Variants in CHSY3 observed in about 807,000 individuals in gnomAD.
The protein encoded by CHSY3 is N-acetylgalactosaminyl-proteoglycan 3-beta-glucuronosyltransferase 3.
In CHSY3, 35 loss-of-function variants were observed where a neutral mutation model predicts 67.2. The observed-to-expected ratio is 0.52, with a 90% confidence interval of 0.40 to 0.69. CHSY3 has a LOEUF of 0.69. Ranked by LOEUF, CHSY3 falls within the 30% of genes least tolerant of loss-of-function variation. The pLI, the probability that CHSY3 is intolerant of heterozygous loss-of-function variation, is 0.00. For missense variants in CHSY3, 1,069 were observed against 1,138.5 expected, an observed-to-expected ratio of 0.94 and a Z score of 0.88; for synonymous variants, 474 against 434.7, an observed-to-expected ratio of 1.09 and a Z score of -1.12.
At chr5:129,978,991 G>A (rs1762891796) in intron 2 of CHSY3, among the ~76,000 whole-genome samples, 1 of 151,716 alleles carries the variant, frequency 6.6e-6, no homozygotes, top group African/African-American at 2.4e-5. Context: ...GAGGTCAGGA[G>A]ATTGAGACCA....
chr5:130,015,087 C>T (rs1040044197), intron 2 of CHSY3, among the ~76,000 whole-genome samples: 3 of 152,116 alleles, frequency 2.0e-5, no homozygotes, highest in South Asian at 2.1e-4. Flanking sequence ...TGGATCATGG[C>T]GGTGGATTTC....
intron 2 of CHSY3, among the ~76,000 whole-genome samples, chr5:130,121,302 T>C (rs1768015530): frequency 6.6e-6 from 1 of 152,106 alleles, no homozygotes; most frequent in South Asian, 2.1e-4. Context: ...GATGGGTAAA[T>C]GGAAGCATGA....
intron 2 of CHSY3, among the ~76,000 whole-genome samples, chr5:129,992,954 T>A (rs1168184099): frequency 6.6e-6 from 1 of 152,178 alleles, no homozygotes; most frequent in Non-Finnish European, 1.5e-5. Flanking sequence ...TGTTCAATAT[T>A]TTGAGTGTTT....
At chr5:130,094,867 A>G (rs1294989080) in intron 2 of CHSY3, among the ~76,000 whole-genome samples, 1 of 152,136 alleles carries the variant, frequency 6.6e-6, no homozygotes, top group African/African-American at 2.4e-5. Context: ...GGAACTGTAT[A>G]TATGCATATT....
At chr5:130,080,668 A>T (rs559597952) in intron 2 of CHSY3, among the ~76,000 whole-genome samples, 1 of 152,208 alleles carries the variant, frequency 6.6e-6, no homozygotes, top group Admixed American at 6.6e-5. Flanking sequence ...TTAAATACCT[A>T]AAAATCATGG....
intron 2 of CHSY3, chr5:130,140,972 G>A (rs75950300): frequency 0.036 from 26,304 of 726,298 alleles, 1,116 homozygotes; most frequent in East Asian, 0.26. Context: ...TCTAGACTCC[G>A]TAGAGAAGGC....
intron 2 of CHSY3, among the ~76,000 whole-genome samples, chr5:130,034,334 T>G (rs984164207): frequency 1.2e-4 from 18 of 152,286 alleles, no homozygotes; most frequent in African/African-American, 4.3e-4. Flanking sequence ...ATAAACTTCC[T>G]AAGTTATTCA....
intron 2 of CHSY3, among the ~76,000 whole-genome samples, chr5:130,180,837 G>A (rs1481840425): frequency 6.6e-6 from 1 of 152,160 alleles, no homozygotes; most frequent in East Asian, 1.9e-4. Context: ...GCGACAGAGT[G>A]AGACCCCATC....
chr5:130,090,079 AG>A (rs925530779), intron 2 of CHSY3, among the ~76,000 whole-genome samples: 5 of 152,118 alleles, frequency 3.3e-5, no homozygotes, highest in Non-Finnish European at 7.4e-5. Flanking sequence ...CCTTCACTCC[AG>A]GTACTAATAC....
intron 2 of CHSY3, among the ~76,000 whole-genome samples, chr5:130,123,952 G>C (rs1233835676): frequency 6.7e-6 from 1 of 149,862 alleles, no homozygotes; most frequent in East Asian, 2.0e-4. Context: ...CCAGCTACTG[G>C]GGAGGCTGAG....
intron 2 of CHSY3, among the ~76,000 whole-genome samples, chr5:129,964,141 C>T (rs1375991244): frequency 6.6e-6 from 1 of 151,802 alleles, no homozygotes; most frequent in African/African-American, 2.4e-5. Flanking sequence ...TACTCTAGGG[C>T]CAGGATTTTA....
chr5:130,185,014 C>T lies in CHSY3; in HGVS notation c.1872C>T (p.Leu624=), dbSNP rs774312761. 47 of 1,567,954 alleles carry T rather than the reference C, an allele frequency of 3.0e-5. No individual in the cohort carries two copies. The highest frequency in any genetic ancestry group is 4.0e-5 in the Non-Finnish European group (46 of 1,138,256). The change falls in exon 3 of 3, where the codon CTC becomes CTT. Residue 624 remains leucine, a synonymous_variant. Coordinates refer to ENST00000305031, the MANE Select transcript of CHSY3 (RefSeq NM_175856.5). The stretch of plus-strand genomic sequence containing the variant: ...ACAATGAAAAGAAAGTACACATTCT[C>T]GTTCCTCTCATCGGAAGGTATGACA... ...GGHNEKKVHI[L]VPLIGRYDIF...
chr5:129,914,169 G>T (rs980086442), intron 2 of CHSY3, among the ~76,000 whole-genome samples: 1 of 152,016 alleles, frequency 6.6e-6, no homozygotes, highest in Non-Finnish European at 1.5e-5. Flanking sequence ...GGAGTGCAAT[G>T]CTGCAATCTT....
intron 2 of CHSY3, among the ~76,000 whole-genome samples, chr5:129,950,312 A>G (rs11748951): frequency 8.3e-4 from 126 of 152,318 alleles, no homozygotes; most frequent in Non-Finnish European, 1.5e-3. Context: ...ATAAGCCTGC[A>G]CCATCATACA....
intron 2 of CHSY3, among the ~76,000 whole-genome samples, chr5:130,092,877 T>C (rs940476689): frequency 6.6e-5 from 10 of 151,996 alleles, no homozygotes; most frequent in African/African-American, 2.2e-4. Flanking sequence ...GAAAGAGGAG[T>C]TGATCAACAG....
At chr5:129,958,836 C>T (rs1762251227) in intron 2 of CHSY3, among the ~76,000 whole-genome samples, 1 of 152,040 alleles carries the variant, frequency 6.6e-6, no homozygotes, top group African/African-American at 2.4e-5. Context: ...CTGGCAGATG[C>T]AGATGTCTTC....
intron 2 of CHSY3, among the ~76,000 whole-genome samples, chr5:130,129,487 A>G (rs1768412042): frequency 6.6e-6 from 1 of 152,128 alleles, no homozygotes; most frequent in African/African-American, 2.4e-5. Context: ...CAAGACATTT[A>G]TTATCCTGTT....
intron 1 of CHSY3, among the ~76,000 whole-genome samples, chr5:129,907,074 A>G (rs922531309): frequency 3.9e-5 from 6 of 152,340 alleles, no homozygotes; most frequent in Middle Eastern, 3.4e-3. Flanking sequence ...CCTCTACTTT[A>G]AGTTCCTTGC....
chr5:130,183,369 ATCAGTATAGTT>A (rs1412807449), intron 2 of CHSY3, among the ~76,000 whole-genome samples: 1 of 152,108 alleles, frequency 6.6e-6, no homozygotes, highest in African/African-American at 2.4e-5. Context: ...AGGAGTGTAG[ATCAGTATAGTT>A]TCCGTTTCAC....
Sources: gnomAD v4.1 joint callset for allele counts (sites outside exome capture counted in the v4.1 genomes callset) on GRCh38, gnomAD v4.1.1 for gene constraint, MANE v1.5 for transcripts, NCBI Gene and HGNC (gene_info 2026-07-23, HGNC 2026-07-21) for gene names.